The following TENM2 variants were observed in gnomAD, a reference collection of about 807,000 sequenced individuals.
The protein encoded by TENM2 is teneurin-2.
Under a neutral mutation model 245.2 loss-of-function variants are expected in TENM2, and 52 were observed. The ratio of observed to expected loss-of-function variants is 0.21; its 90% CI spans 0.17 to 0.27. The LOEUF (loss-of-function observed/expected upper bound fraction) is 0.27. TENM2 is among the 10% of genes least tolerant of loss of function. The pLI is 1.00. For synonymous variants in TENM2, 1,363 were observed against 1,438.9 expected (o/e 0.95, Z 1.19); for missense variants, 3,046 against 3,666.8 (o/e 0.83, Z 4.37).
intron 2 of TENM2, among the ~76,000 whole-genome samples, chr5:167,577,613 TG>T (rs754103680): frequency 1.3e-5 from 2 of 152,194 alleles, no homozygotes; most frequent in Non-Finnish European, 1.5e-5. Flanking sequence ...TGACCCATAG[TG>T]GTTTTTTTCT....
Position 167,873,071 on chromosome 5 carries a change from G to A in TENM2, c.503-2915G>A, listed in dbSNP as rs78700835. On this transcript the variant is annotated intron_variant, in intron 2 of 28. Coordinates refer to ENST00000518659, the Ensembl canonical transcript of TENM2. ...TGTGAGTTAAAATCTGTTCCTACCA[G>A]AGCCTCGCTGCTAAGTGGACGTCAA... 3.3e-4 allele frequency among the ~76,000 whole-genome samples: 51 copies of A among 152,328 alleles called. 1 individual carries two copies. Among genetic ancestry groups the A allele is most frequent in the African/African-American group, 1.2e-3 (50 of 41,568 alleles).
the TENM2 span, among the ~76,000 whole-genome samples, chr5:167,214,843 G>C: frequency 2.0e-5 from 3 of 152,100 alleles, no homozygotes; most frequent in Non-Finnish European, 2.9e-5. Context: ...TAGGCACAGG[G>C]CTTTCCGCAT....
intron 25 of TENM2, among the ~76,000 whole-genome samples, chr5:168,238,243 A>AGAAAG (rs1765740074): frequency 2.1e-5 from 3 of 141,388 alleles, no homozygotes; most frequent in African/African-American, 8.1e-5. Flanking sequence ...AGAAAAGAAA[A>AGAAAG]GAAAAGAAAA....
At chr5:167,115,224 G>T in the TENM2 span, among the ~76,000 whole-genome samples, 14 of 152,198 alleles carry the variant, frequency 9.2e-5, no homozygotes, top group Non-Finnish European at 2.1e-4. Context: ...GGTTGTGGGT[G>T]TCTAATTCAA....
chr5:167,382,488 C>T (rs1035581028), intron 2 of TENM2, among the ~76,000 whole-genome samples: 11 of 152,134 alleles, frequency 7.2e-5, no homozygotes, highest in Non-Finnish European at 1.2e-4. Context: ...AGTGGATAAG[C>T]AGGATAGCCA....
the TENM2 span, among the ~76,000 whole-genome samples, chr5:167,216,070 A>G: frequency 2.6e-5 from 4 of 152,228 alleles, 1 homozygote; most frequent in Non-Finnish European, 5.9e-5. Flanking sequence ...AGTAATCACA[A>G]GAGGTAGGTC....
intron 3 of TENM2, among the ~76,000 whole-genome samples, chr5:167,942,276 G>A (rs751352161): frequency 1.3e-5 from 2 of 151,988 alleles, no homozygotes; most frequent in Non-Finnish European, 2.9e-5. Context: ...ATTTCCTGAG[G>A]GCCTTCTATG....
intron 2 of TENM2, among the ~76,000 whole-genome samples, chr5:167,646,228 T>TA (rs1779957080): frequency 7.1e-6 from 1 of 140,288 alleles, no homozygotes; most frequent in Non-Finnish European, 1.5e-5. Context: ...TATATATATA[T>TA]ATGTTGTTTT....
At chr5:167,553,220 C>T (rs1157992479) in intron 2 of TENM2, among the ~76,000 whole-genome samples, 3 of 152,172 alleles carry the variant, frequency 2.0e-5, no homozygotes, top group African/African-American at 4.8e-5. Context: ...ATTCCGGACA[C>T]ATAAAGACAT....
At chr5:167,766,446 A>G (rs1275466103) in intron 2 of TENM2, among the ~76,000 whole-genome samples, 1 of 152,232 alleles carries the variant, frequency 6.6e-6, no homozygotes, top group Non-Finnish European at 1.5e-5. Flanking sequence ...AAGCCATCGA[A>G]GGATGTTTCT....
At chr5:167,409,985 TAACTC>T (rs1041840971) in intron 2 of TENM2, among the ~76,000 whole-genome samples, 7 of 152,148 alleles carry the variant, frequency 4.6e-5, no homozygotes, top group East Asian at 1.9e-4. Flanking sequence ...ATTAATTTAA[TAACTC>T]AACTAAACAA....
At chr5:168,209,493 G>A in intron 19 of TENM2, among the ~76,000 whole-genome samples, 1 of 152,198 alleles carries the variant, frequency 6.6e-6, no homozygotes, top group East Asian at 1.9e-4. Flanking sequence ...AGCCACATGA[G>A]CTCATCCTCC....
chr5:167,534,283 G>C (rs547261470), intron 2 of TENM2, among the ~76,000 whole-genome samples: 8 of 152,306 alleles, frequency 5.3e-5, no homozygotes, highest in African/African-American at 1.9e-4. Context: ...TTCTAAGGGA[G>C]GATGCCAATG....
chr5:167,508,444 C>A (rs554488670), intron 2 of TENM2, among the ~76,000 whole-genome samples: 13 of 152,196 alleles, frequency 8.5e-5, no homozygotes, highest in Admixed American at 2.6e-4. Flanking sequence ...TGAGTGTAAA[C>A]CTCAGCTCAA....
the TENM2 span, among the ~76,000 whole-genome samples, chr5:167,208,497 G>A: frequency 1.3e-5 from 2 of 152,116 alleles, no homozygotes; most frequent in Non-Finnish European, 2.9e-5. Context: ...ACAACAAAAC[G>A]AACACTAGAA....
chr5:167,826,034 T>C (rs1767947692), intron 2 of TENM2, among the ~76,000 whole-genome samples: 1 of 151,868 alleles, frequency 6.6e-6, no homozygotes, highest in East Asian at 1.9e-4. Flanking sequence ...TGTACCTTTC[T>C]CTCCACCCCA....
At chr5:167,250,540 C>T in the TENM2 span, among the ~76,000 whole-genome samples, 3 of 152,106 alleles carry the variant, frequency 2.0e-5, no homozygotes, top group East Asian at 1.9e-4. Context: ...TTGTATTGCA[C>T]ACCACTGACA....
chr5:167,473,517 G>A (rs1484523216), intron 2 of TENM2, among the ~76,000 whole-genome samples: 1 of 152,158 alleles, frequency 6.6e-6, no homozygotes, highest in African/African-American at 2.4e-5. Context: ...TATCTTTTCA[G>A]CTATGCTTTT....
the TENM2 span, among the ~76,000 whole-genome samples, chr5:167,231,308 G>C: frequency 5.3e-5 from 8 of 152,204 alleles, no homozygotes; most frequent in African/African-American, 1.9e-4. Context: ...AAGACAGGAA[G>C]ATGTGGGAAG....
Sources: gnomAD v4.1 joint callset for allele counts (sites outside exome capture counted in the v4.1 genomes callset) on GRCh38, gnomAD v4.1.1 for gene constraint, MANE v1.5 for transcripts, NCBI Gene and HGNC (gene_info 2026-07-23, HGNC 2026-07-21) for gene names.